Variants in ZFTRAF1 observed in about 807,000 individuals in gnomAD.
The protein encoded by ZFTRAF1 is zinc finger TRAF-type and ring finger containing 1.
At chr8:144,452,017 C>A in the ZFTRAF1 span, 1 of 374,144 alleles carries the variant, frequency 2.7e-6, no homozygotes, top group Non-Finnish European at 5.2e-6. Context: ...TGAGACCTGC[C>A]CACTTTCTGG....
the ZFTRAF1 span, chr8:144,456,957 G>A: frequency 2.0e-5 from 3 of 148,368 alleles, no homozygotes; most frequent in East Asian, 4.0e-4. Flanking sequence ...ACATTACGGG[G>A]ATGACATCAA....
chr8:144,452,349 G>A, the ZFTRAF1 span: 3 of 1,547,450 alleles, frequency 1.9e-6, no homozygotes, highest in Non-Finnish European at 1.7e-6. Context: ...CAGGCGGCGG[G>A]GCGCCTCACC....
At chr8:144,452,300 G>A in the ZFTRAF1 span, 8 of 1,526,160 alleles carry the variant, frequency 5.2e-6, no homozygotes, top group Admixed American at 2.0e-5. Flanking sequence ...CCAGACTCCT[G>A]GCTGCCAGCC....
the ZFTRAF1 span, chr8:144,450,328 G>T: frequency 1.4e-6 from 1 of 690,972 alleles, no homozygotes; most frequent in Admixed American, 2.0e-5. Context: ...GGACAGGGCA[G>T]CGGTGCTGGG....
At chr8:144,462,824 G>T in the ZFTRAF1 span, 1 of 151,738 alleles carries the variant, frequency 6.6e-6, no homozygotes, top group African/African-American at 2.4e-5. Context: ...CAGCCGCCGC[G>T]GCCACCGACC....
At chr8:144,455,803 G>A in the ZFTRAF1 span, 2 of 152,202 alleles carry the variant, frequency 1.3e-5, no homozygotes, top group Non-Finnish European at 2.9e-5. Flanking sequence ...AGCCCAGGAA[G>A]ATTCGAGGTG....
chr8:144,453,169 T>G, the ZFTRAF1 span: 1 of 1,491,386 alleles, frequency 6.7e-7, no homozygotes. Flanking sequence ...CAGGGTGGGC[T>G]CCCAGCAGTC....
the ZFTRAF1 span, chr8:144,453,332 G>A: frequency 6.4e-7 from 1 of 1,551,244 alleles, no homozygotes; most frequent in Non-Finnish European, 8.7e-7. Flanking sequence ...CCACGGCCAG[G>A]TTCCGGCAGC....
chr8:144,453,149 C>A, the ZFTRAF1 span: 2 of 1,355,420 alleles, frequency 1.5e-6, no homozygotes, highest in African/African-American at 2.9e-5. Context: ...TGCACAGGGC[C>A]CTGCTGCACC....
At chr8:144,450,814 G>A in the ZFTRAF1 span, 1 of 651,026 alleles carries the variant, frequency 1.5e-6, no homozygotes, top group South Asian at 1.7e-5. Flanking sequence ...TGTTAGTGTG[G>A]GCAGGGCTGG....
chr8:144,460,865 C>G, the ZFTRAF1 span, among the ~76,000 whole-genome samples: 3 of 152,108 alleles, frequency 2.0e-5, no homozygotes, highest in African/African-American at 7.2e-5. Context: ...GCCTGGGTGA[C>G]AGAGTGAGAC....
At chr8:144,451,948 G>C in the ZFTRAF1 span, 1 of 281,506 alleles carries the variant, frequency 3.6e-6, no homozygotes, top group Non-Finnish European at 7.1e-6. Flanking sequence ...GACCTCACTC[G>C]GCAGGGTGCT....
the ZFTRAF1 span, chr8:144,453,306 T>A: frequency 6.4e-7 from 1 of 1,551,196 alleles, no homozygotes; most frequent in South Asian, 1.2e-5. Context: ...TGAAGGCAGC[T>A]CGCTCACGGC....
At chr8:144,455,071 T>C in the ZFTRAF1 span, 3 of 152,204 alleles carry the variant, frequency 2.0e-5, no homozygotes, top group South Asian at 2.1e-4. Flanking sequence ...TCCCAGCACT[T>C]TGGAAGGCCG....
the ZFTRAF1 span, chr8:144,462,291 C>T: frequency 3.4e-6 from 2 of 593,038 alleles, no homozygotes. Context: ...ACCTGGTACA[C>T]GGAGGCCTTG....
chr8:144,453,425 A>G, the ZFTRAF1 span: 6 of 1,551,146 alleles, frequency 3.9e-6, no homozygotes, highest in Non-Finnish European at 5.2e-6. Context: ...GTAGGTGGAT[A>G]AAACAGCCAG....
the ZFTRAF1 span, chr8:144,453,307 C>T: frequency 4.5e-6 from 7 of 1,551,188 alleles, no homozygotes; most frequent in Non-Finnish European, 5.2e-6. Flanking sequence ...GAAGGCAGCT[C>T]GCTCACGGCT....
chr8:144,450,869 G>A, the ZFTRAF1 span: 5 of 606,054 alleles, frequency 8.3e-6, no homozygotes, highest in African/African-American at 9.3e-5. Flanking sequence ...GCTCAGCCGG[G>A]GAGGAAGGCA....
the ZFTRAF1 span, among the ~76,000 whole-genome samples, chr8:144,459,313 C>T: frequency 4.6e-5 from 7 of 152,254 alleles, no homozygotes; most frequent in Non-Finnish European, 8.8e-5. Flanking sequence ...CCCCACCAGC[C>T]CTCCTGCCAC....
Sources: gnomAD v4.1 joint callset for allele counts (sites outside exome capture counted in the v4.1 genomes callset) on GRCh38, gnomAD v4.1.1 for gene constraint, MANE v1.5 for transcripts, NCBI Gene and HGNC (gene_info 2026-07-23, HGNC 2026-07-21) for gene names.